Variants in RBFOX1 observed in about 807,000 individuals in gnomAD.
The protein encoded by RBFOX1 is RNA binding protein fox-1 homolog 1.
Under a neutral mutation model 57.7 loss-of-function variants are expected in RBFOX1, and 8 were observed. That is an observed-to-expected ratio of 0.14 (90% confidence interval 0.08 to 0.25). The LOEUF (loss-of-function observed/expected upper bound fraction) is 0.25, where lower values mean the gene tolerates loss of function less well. Ranked by LOEUF, RBFOX1 falls within the 10% of genes least tolerant of loss-of-function variation. RBFOX1 has a pLI of 1.00. For synonymous variants in RBFOX1, 326 were observed against 222.4 expected, an observed-to-expected ratio of 1.47 and a Z score of -4.15; for missense variants, 611 against 548.5, an observed-to-expected ratio of 1.11 and a Z score of -1.14.
At chr16:5,392,546 C>CTT (rs936496320) in intron 1 of RBFOX1, among the ~76,000 whole-genome samples, 1 of 142,940 alleles carries the variant, frequency 7.0e-6, no homozygotes, top group Non-Finnish European at 1.5e-5. Flanking sequence ...TTCTTTTTTT[C>CTT]TTTTTTTTTT....
intron 3 of RBFOX1, among the ~76,000 whole-genome samples, chr16:6,826,016 G>GTT (rs1567429962): frequency 6.6e-6 from 1 of 152,102 alleles, no homozygotes; most frequent in Non-Finnish European, 1.5e-5. Context: ...TGGGTAGGCC[G>GTT]ACCACATCGT....
At chr16:5,428,357 G>A (rs971423204) in intron 1 of RBFOX1, among the ~76,000 whole-genome samples, 1 of 152,184 alleles carries the variant, frequency 6.6e-6, no homozygotes, top group Non-Finnish European at 1.5e-5. Context: ...TTGGGTAAAT[G>A]AAAGATTTTT....
intron 4 of RBFOX1, among the ~76,000 whole-genome samples, chr16:7,438,598 G>A (rs1239652685): frequency 2.0e-5 from 3 of 152,238 alleles, no homozygotes; most frequent in East Asian, 3.9e-4. Flanking sequence ...ACTTGTGTGC[G>A]TGTCTGCATT....
chr16:6,079,344 C>G (rs1597090523), intron 1 of RBFOX1, among the ~76,000 whole-genome samples: 1 of 152,026 alleles, frequency 6.6e-6, no homozygotes, highest in African/African-American at 2.4e-5. Context: ...TAGGGTCTTG[C>G]TCTGTTTGCC....
intron 4 of RBFOX1, among the ~76,000 whole-genome samples, chr16:5,890,837 C>T (rs1341252334): frequency 1.3e-5 from 2 of 152,058 alleles, no homozygotes; most frequent in Non-Finnish European, 2.9e-5. Context: ...GATCCATTCA[C>T]CCAACATTGT....
Position 5,697,978 on chromosome 16 carries a change from C to G in RBFOX1, c.318+99017C>G, listed in dbSNP as rs554243964. On this transcript the variant is annotated intron_variant, in intron 3 of 19. Transcript: ENST00000641259. ...TATTAAGTTTTATGAAATGCCTGGTCTTCATAAATTGTTGTTATATGCTCT... is the reference window on the plus strand; with the variant it reads ...TATTAAGTTTTATGAAATGCCTGGTGTTCATAAATTGTTGTTATATGCTCT... Among the ~76,000 whole-genome samples the G allele has an allele frequency of 8.8e-4, 134 of 152,260 alleles. 4 individuals carry two copies. In the South Asian group the frequency reaches 0.018, roughly 20 times the overall value.
At chr16:7,377,308 C>G (rs1158750204) in intron 4 of RBFOX1, among the ~76,000 whole-genome samples, 2 of 152,132 alleles carry the variant, frequency 1.3e-5, no homozygotes, top group Non-Finnish European at 2.9e-5. Flanking sequence ...CCGTATCACC[C>G]ACGTGAGGTG....
At chr16:7,467,926 C>G (rs770413596) in intron 4 of RBFOX1, among the ~76,000 whole-genome samples, 1 of 152,224 alleles carries the variant, frequency 6.6e-6, no homozygotes, top group Non-Finnish European at 1.5e-5. Context: ...GTATGTCCAT[C>G]ATTTGTACAT....
chr16:6,833,709 A>G (rs1366654570), intron 3 of RBFOX1, among the ~76,000 whole-genome samples: 5 of 152,202 alleles, frequency 3.3e-5, no homozygotes, highest in Non-Finnish European at 7.3e-5. Context: ...TGACCAGAGA[A>G]AGACTCTAGA....
chr16:6,545,124 C>T (rs775533369), intron 2 of RBFOX1, among the ~76,000 whole-genome samples: 34 of 152,004 alleles, frequency 2.2e-4, no homozygotes, highest in Non-Finnish European at 4.3e-4. Flanking sequence ...TCTAAAAATC[C>T]GCGTACTTTT....
At chr16:7,225,643 T>C (rs905797396) in intron 4 of RBFOX1, among the ~76,000 whole-genome samples, 1 of 151,508 alleles carries the variant, frequency 6.6e-6, no homozygotes, top group African/African-American at 2.4e-5. Context: ...TGGCAATGGA[T>C]GATTTGTTCT....
At chr16:5,924,408 G>A (rs1320961727) in intron 4 of RBFOX1, among the ~76,000 whole-genome samples, 1 of 152,182 alleles carries the variant, frequency 6.6e-6, no homozygotes, top group Non-Finnish European at 1.5e-5. Context: ...GATCCCTCAT[G>A]AATAGATTAA....
intron 3 of RBFOX1, among the ~76,000 whole-genome samples, chr16:6,655,236 TG>T (rs1568068890): frequency 6.6e-6 from 1 of 150,532 alleles, no homozygotes; most frequent in East Asian, 2.0e-4. Flanking sequence ...TAGCCGGGTG[TG>T]GTGGCACATG....
At chr16:5,511,532 C>T (rs1196745788) in intron 2 of RBFOX1, among the ~76,000 whole-genome samples, 1 of 152,150 alleles carries the variant, frequency 6.6e-6, no homozygotes, top group African/African-American at 2.4e-5. Flanking sequence ...TCATCTGTTA[C>T]TTCCCTCCTT....
intron 3 of RBFOX1, among the ~76,000 whole-genome samples, chr16:6,810,742 C>G (rs566516299): frequency 1.3e-5 from 2 of 152,140 alleles, no homozygotes; most frequent in South Asian, 2.1e-4. Context: ...CACAGGGCAG[C>G]AAGAGAACGG....
chr16:6,818,869 G>A (rs979890940), intron 3 of RBFOX1, among the ~76,000 whole-genome samples: 5 of 152,142 alleles, frequency 3.3e-5, no homozygotes, highest in Admixed American at 3.3e-4. Context: ...TAAATCTCAG[G>A]AATTTACATG....
At chr16:5,542,989 CA>C (rs2045026718) in intron 2 of RBFOX1, among the ~76,000 whole-genome samples, 1 of 152,156 alleles carries the variant, frequency 6.6e-6, no homozygotes, top group Non-Finnish European at 1.5e-5. Flanking sequence ...GAAAACCTCA[CA>C]GTTTATAAGA....
chr16:5,901,424 T>C (rs2058302821), intron 4 of RBFOX1, among the ~76,000 whole-genome samples: 1 of 152,222 alleles, frequency 6.6e-6, no homozygotes, highest in African/African-American at 2.4e-5. Flanking sequence ...ATATAACTCC[T>C]AGCTTAAGCT....
intron 3 of RBFOX1, among the ~76,000 whole-genome samples, chr16:6,860,947 G>C (rs1745874278): frequency 6.6e-6 from 1 of 151,888 alleles, no homozygotes; most frequent in Admixed American, 6.6e-5. Context: ...ATTCTCTTGG[G>C]GTCTATGCAT....
Sources: gnomAD v4.1 joint callset for allele counts (sites outside exome capture counted in the v4.1 genomes callset) on GRCh38, gnomAD v4.1.1 for gene constraint, MANE v1.5 for transcripts, NCBI Gene and HGNC (gene_info 2026-07-23, HGNC 2026-07-21) for gene names.